CSAD: variants seen among roughly 807,000 people sequenced by gnomAD.
CSAD encodes the protein P-selectin cytoplasmic tail-associated protein.
CSAD carries 47 observed loss-of-function variants against 61.5 expected under a neutral mutation model. The observed-to-expected ratio is 0.76, with a 90% CI of 0.60 to 0.97. CSAD has a LOEUF of 0.97. Ranked by LOEUF, CSAD falls within the 50% of genes least tolerant of loss-of-function variation. The probability of loss-of-function intolerance (pLI) is 0.00; values close to 1 mark genes in which losing one functional copy is unlikely to be tolerated. For synonymous variants in CSAD, 245 were observed against 252.7 expected (o/e 0.97, Z 0.29); for missense variants, 611 against 643.6 (o/e 0.95, Z 0.55).
At chr12:53,180,925 GGGGGA>G, upstream of CSAD, 114 of 1,085,098 alleles carry the variant, frequency 1.1e-4, no homozygotes, top group Non-Finnish European at 1.1e-4. Flanking sequence ...CGCGCGGGAA[GGGGGA>G]GGGGAGGGGA....
chr12:53,179,258 G>A (rs960756260), intron 1 of CSAD, 116 bp from the exon 2 acceptor site: 1 of 154,556 alleles, frequency 6.5e-6, no homozygotes, highest in Non-Finnish European at 1.4e-5. Context: ...CACATAAACT[G>A]GAATACTGTG....
chr12:53,176,177 ATCACCTGAGG>A (rs1168427267), intron 2 of CSAD, among the ~76,000 whole-genome samples: 12 of 151,960 alleles, frequency 7.9e-5, no homozygotes, highest in African/African-American at 2.9e-4. Context: ...AGGCAGGTGG[ATCACCTGAGG>A]TCACCTGAGG....
chr12:53,165,557 G>A (rs1389952451), intron 10 of CSAD, among the ~76,000 whole-genome samples: 2 of 151,072 alleles, frequency 1.3e-5, no homozygotes, highest in African/African-American at 4.9e-5. Context: ...CAGCTACTCG[G>A]GAGGCTGAAG....
At chr12:53,173,190 A>T (rs1940789651) in intron 4 of CSAD, 155 bp downstream of exon 4, 1 of 717,274 alleles carries the variant, frequency 1.4e-6, no homozygotes, top group Non-Finnish European at 2.2e-6. Context: ...CCTGGCCGAT[A>T]GAGCGAGACT....
intron 16 of CSAD, among the ~76,000 whole-genome samples, chr12:53,158,910 C>T (rs1938895828): frequency 6.6e-6 from 1 of 152,234 alleles, no homozygotes; most frequent in Non-Finnish European, 1.5e-5. Flanking sequence ...TTTCTCCTGT[C>T]TCCAAGAAAT....
rs774462454 is a variant in CSAD, at chr12:53,173,386, C to T, written c.85G>A (p.Val29Met). 2.5e-6 allele frequency: 4 copies of T among 1,614,226 alleles called. No homozygotes were observed. In the East Asian group the frequency reaches 6.7e-5, roughly 27 times the overall value. The change falls in exon 4 of 17, where the codon GTG becomes ATG. Residue 29 changes from valine to methionine, a missense_variant. By Grantham distance (21) the Val-to-Met change is conservative. Transcript: ENST00000444623. ...ALLRAVFGVV[V>M]DEAIQKGTSV... is the part of the protein sequence containing the mutation. ...GTTCCTTTCTGAATGGCCTCATCCA[C>T]AACAACCCCAAACACGGCCCGGAGC...
rs1192865420 is a variant in CSAD at position 53,160,329 on chromosome 12, G to A, written c.967-10C>T. The A allele has an allele frequency of 6.2e-7, 1 of 1,613,598 alleles. No homozygotes were observed. The highest frequency in any genetic ancestry group is 8.5e-7 in the Non-Finnish European group (1 of 1,179,554). On this transcript the variant is annotated splice_polypyrimidine_tract_variant and intron_variant, in intron 13 of 16. Coordinates refer to ENST00000444623, the MANE Select transcript of CSAD (RefSeq NM_001244705.2). ...AGCGCTTGAGCAGGTTCTGTGTGGG[G>A]GTGAGGAGATTGTCAGACCCTACCC...
At chr12:53,173,953 G>A in intron 2 of CSAD, 183 bp from the exon 3 acceptor site, 1 of 621,136 alleles carries the variant, frequency 1.6e-6, no homozygotes. Context: ...CCGACCCCTG[G>A]CAACTACTAA....
rs1940616073 is a variant in CSAD, at chr12:53,171,809, T to G, written c.451+73A>C. The G allele has an allele frequency of 4.9e-5, 50 of 1,026,964 alleles. No individual in the cohort carries two copies. In the South Asian group the frequency reaches 6.7e-4, roughly 14 times the overall value. The allele number at this position is 1,026,964 out of a possible 1,614,324, so 63.6% of individuals were successfully genotyped here. A position where few individuals can be genotyped will look rare whatever the true frequency, so the allele number is the denominator to read the frequency against. The stretch of plus-strand genomic sequence containing the variant: ...GGAATCATCCCTCCCTGCCAGACAC[T>G]AGAGCAAGAGAACGGTGGGGGAGGA... On this transcript the variant is annotated intron_variant, in intron 7 of 16. Coordinates refer to ENST00000444623, the MANE Select transcript of CSAD (RefSeq NM_001244705.2).
chr12:53,170,891 T>C, intron 8 of CSAD: 1 of 369,624 alleles, frequency 2.7e-6, no homozygotes, highest in South Asian at 2.2e-5. Flanking sequence ...TGGCTAATTT[T>C]TTGTATTTTA....
At chr12:53,160,662 TA>T in intron 13 of CSAD, 100 bp downstream of exon 13, 2 of 1,036,668 alleles carry the variant, frequency 1.9e-6, no homozygotes, top group Non-Finnish European at 2.9e-6. Context: ...GAAGGGATGG[TA>T]AAGAGAATAG....
intron 10 of CSAD, 53 bp from the exon 11 acceptor site, chr12:53,161,442 C>T: frequency 6.8e-7 from 1 of 1,470,634 alleles, no homozygotes; most frequent in Non-Finnish European, 9.5e-7. Flanking sequence ...AAAAGCTACT[C>T]AGAGCCTGAT....
At chr12:53,158,706 T>G (rs1938866099) in intron 16 of CSAD, 22 bp from the exon 17 acceptor site, 4 of 1,608,982 alleles carry the variant, frequency 2.5e-6, no homozygotes, top group Non-Finnish European at 2.5e-6. Flanking sequence ...TGGAGAGAGA[T>G]TCCAGCTGCA....
intron 7 of CSAD, chr12:53,171,663 C>A: frequency 1.6e-6 from 1 of 620,874 alleles, no homozygotes; most frequent in South Asian, 2.0e-5. Context: ...AGACAGCCCC[C>A]GTCCGGAGAT....
chr12:53,165,355 A>G (rs1308806579), intron 10 of CSAD, among the ~76,000 whole-genome samples: 1 of 150,796 alleles, frequency 6.6e-6, no homozygotes, highest in Non-Finnish European at 1.5e-5. Flanking sequence ...AAAAAACAAA[A>G]CAAAACAGAA....
intron 10 of CSAD, among the ~76,000 whole-genome samples, chr12:53,161,968 T>G (rs920192792): frequency 1.3e-5 from 2 of 150,510 alleles, no homozygotes; most frequent in Non-Finnish European, 3.0e-5. Flanking sequence ...TCAAAAAATA[T>G]AAACAAATAG....
chr12:53,180,120 G>T, intron 1 of CSAD: 1 of 1,309,548 alleles, frequency 7.6e-7, no homozygotes, highest in South Asian at 1.9e-5. Context: ...GTGTGGCCAA[G>T]GGCTACTCAA....
intron 15 of CSAD, 47 bp from the exon 16 acceptor site, chr12:53,159,759 C>T (rs893476087): frequency 6.9e-5 from 107 of 1,546,112 alleles, no homozygotes; most frequent in Non-Finnish European, 9.1e-5. Flanking sequence ...AAAGGGGGAC[C>T]GTTTTCCCTC....
rs769957361 is a variant in CSAD, at chr12:53,158,588, C to G, written c.1405G>C (p.Val469Leu). Residue 469 changes from valine to leucine, a missense_variant, in exon 17 of 17, where the codon GTG (valine) becomes CTG (leucine). Transcript: ENST00000444623. ...GCACAGGTCAGTGCAGAGTTGGCCA[C>G]AACCACACGGAAGAAGTTGCCCCGG... Reference protein sequence around the residue: ...GTRGNFFRVVVANSALTCADM... With the variant: ...GTRGNFFRVVLANSALTCADM... 7 of 1,613,172 alleles carry G rather than the reference C, an allele frequency of 4.3e-6. No homozygotes were observed. The highest frequency in any genetic ancestry group is 5.9e-6 in the Non-Finnish European group (7 of 1,180,022).
Sources: allele counts gnomAD v4.1 joint callset (sites outside exome capture counted in the v4.1 genomes callset), GRCh38; gene constraint gnomAD v4.1.1; transcripts MANE v1.5; gene names NCBI Gene and HGNC (gene_info 2026-07-23, HGNC 2026-07-21).